TNIK: variants seen among roughly 807,000 people sequenced by gnomAD.
The protein encoded by TNIK is TRAF2 and NCK-interacting protein kinase.
TNIK carries 49 observed loss-of-function variants against 191.3 expected under a neutral mutation model. The ratio of observed to expected loss-of-function variants is 0.26; its 90% CI spans 0.20 to 0.32. TNIK has a LOEUF of 0.32. Among genes scored for constraint, TNIK ranks in the 10% least tolerant of loss-of-function variants. The pLI, the probability that TNIK is intolerant of heterozygous loss-of-function variation, is 1.00. For missense variants in TNIK, 1,155 were observed against 1,702.3 expected, an observed-to-expected ratio of 0.68 and a Z score of 5.66; for synonymous variants, 594 against 600.9, an observed-to-expected ratio of 0.99 and a Z score of 0.17.
At chr3:171,118,809 A>C (rs1016658991) in intron 18 of TNIK, among the ~76,000 whole-genome samples, 19 of 152,322 alleles carry the variant, frequency 1.2e-4, no homozygotes, top group African/African-American at 4.1e-4. Flanking sequence ...TAAAGACTTA[A>C]ATGTTAGACC....
At chr3:171,114,316 C>A (rs1726354049) in intron 18 of TNIK, among the ~76,000 whole-genome samples, 1 of 152,128 alleles carries the variant, frequency 6.6e-6, no homozygotes, top group South Asian at 2.1e-4. Context: ...TATGCTTTAA[C>A]TTTGCTCTGC....
chr3:171,183,758 T>TA (rs1379876217), intron 7 of TNIK, among the ~76,000 whole-genome samples: 1 of 151,780 alleles, frequency 6.6e-6, no homozygotes, highest in African/African-American at 2.4e-5. Flanking sequence ...CTGTCTCTAC[T>TA]AAAAACACAA....
At chr3:171,273,533 C>CA (rs1316017287) in intron 2 of TNIK, among the ~76,000 whole-genome samples, 2 of 152,306 alleles carry the variant, frequency 1.3e-5, no homozygotes, top group South Asian at 4.1e-4. Context: ...TATGATCTCT[C>CA]ACTTGGTTTC....
intron 2 of TNIK, among the ~76,000 whole-genome samples, chr3:171,334,744 T>C (rs1447231262): frequency 6.6e-6 from 1 of 152,228 alleles, no homozygotes; most frequent in Non-Finnish European, 1.5e-5. Context: ...ACATTGTTTC[T>C]AGGGACTACA....
chr3:171,191,078 C>T (rs1304999139), intron 5 of TNIK, among the ~76,000 whole-genome samples: 1 of 152,090 alleles, frequency 6.6e-6, no homozygotes, highest in East Asian at 1.9e-4. Flanking sequence ...TTATACGGTT[C>T]CAACATGAAC....
At chr3:171,418,903 G>A (rs1330345426) in intron 1 of TNIK, among the ~76,000 whole-genome samples, 2 of 152,148 alleles carry the variant, frequency 1.3e-5, no homozygotes, top group Non-Finnish European at 2.9e-5. Flanking sequence ...TCAGATCGTG[G>A]TCCAGCTAGA....
chr3:171,346,645 C>T (rs1014844916), intron 2 of TNIK, among the ~76,000 whole-genome samples: 1 of 152,048 alleles, frequency 6.6e-6, no homozygotes, highest in Non-Finnish European at 1.5e-5. Context: ...AAAGCCCAAA[C>T]GGGGCCTGGG....
At chr3:171,126,339 T>C (rs564522907) in intron 16 of TNIK, among the ~76,000 whole-genome samples, 188 bp from the exon 17 acceptor site, 2 of 152,208 alleles carry the variant, frequency 1.3e-5, no homozygotes, top group South Asian at 4.2e-4. Flanking sequence ...GAACGATATG[T>C]AGGGTTGGCA....
chr3:171,121,279 A>G (rs530755291), intron 18 of TNIK, among the ~76,000 whole-genome samples: 1 of 152,332 alleles, frequency 6.6e-6, no homozygotes, highest in East Asian at 1.9e-4. Context: ...TACGGACTTC[A>G]TTAGGACCAA....
At chr3:171,376,029 A>G (rs1382187179) in intron 1 of TNIK, among the ~76,000 whole-genome samples, 2 of 152,210 alleles carry the variant, frequency 1.3e-5, no homozygotes, top group African/African-American at 4.8e-5. Context: ...GACATCTGCC[A>G]AACGACTGTG....
intron 9 of TNIK, among the ~76,000 whole-genome samples, chr3:171,171,523 G>A (rs1210518464): frequency 1.3e-5 from 2 of 152,224 alleles, no homozygotes; most frequent in Non-Finnish European, 2.9e-5. Context: ...TGGACCAGTG[G>A]AGCTTGTACA....
intron 2 of TNIK, among the ~76,000 whole-genome samples, chr3:171,231,306 G>A (rs1743598672): frequency 1.3e-5 from 2 of 148,858 alleles, no homozygotes; most frequent in African/African-American, 5.1e-5. Context: ...TTTTGTTGTT[G>A]TTGTTGTTTT....
At chr3:171,441,600 G>A (rs6444991) in intron 1 of TNIK, among the ~76,000 whole-genome samples, 95,531 of 151,980 alleles carry the variant, frequency 0.63, 31,970 homozygotes, top group African/African-American at 0.87. Flanking sequence ...CACTGTGAAT[G>A]ATGCTCCTCA....
intron 3 of TNIK, among the ~76,000 whole-genome samples, chr3:171,219,147 TAA>T (rs1235697850): frequency 8.0e-6 from 1 of 125,606 alleles, no homozygotes; most frequent in African/African-American, 3.6e-5. Flanking sequence ...ATATATATTA[TAA>T]AATATATAAT....
At chr3:171,075,926 C>CA (rs1346371694) in intron 28 of TNIK, among the ~76,000 whole-genome samples, 1 of 151,998 alleles carries the variant, frequency 6.6e-6, no homozygotes, top group Admixed American at 6.6e-5. Context: ...TTAGTAGAGA[C>CA]AGGGTTTCAC....
chr3:171,085,177 C>T lies in TNIK; in HGVS notation c.2939G>A (p.Arg980Lys), dbSNP rs778060745. 1.9e-6 allele frequency: 3 copies of T among 1,612,068 alleles called. No homozygotes were observed. Among genetic ancestry groups the T allele is most frequent in the Non-Finnish European group, 2.5e-6 (3 of 1,179,138 alleles). Residue 980 changes from arginine (R) to lysine (K), a missense_variant, in exon 25 of 33, where the codon AGA becomes AAA. Arg to Lys is a conservative substitution (Grantham distance 26). Around this residue, in one of 3 missense-constraint regions of TNIK, gnomAD observed 735 missense variants for 848.0 expected, o/e 0.87. Transcript: ENST00000436636. Reference protein sequence around the residue: ...KASFTPFVDPRVYQTSPTDED... With the variant: ...KASFTPFVDPKVYQTSPTDED... ...ATCAGTGGGAGACGTCTGGTATACT[C>T]TGGGGTCCACAAAGGGGGTGAAGGA...
At chr3:171,358,146 C>A (rs1714421461) in intron 2 of TNIK, among the ~76,000 whole-genome samples, 1 of 152,106 alleles carries the variant, frequency 6.6e-6, no homozygotes, top group Non-Finnish European at 1.5e-5. Flanking sequence ...ATAGTTGATA[C>A]ATTTAAGGTA....
chr3:171,090,473 C>T (rs1225865853), intron 23 of TNIK, among the ~76,000 whole-genome samples: 7 of 127,092 alleles, frequency 5.5e-5, no homozygotes, highest in Admixed American at 8.3e-5. Context: ...TTCTTTTACT[C>T]ATTACTTGTA....
intron 2 of TNIK, among the ~76,000 whole-genome samples, chr3:171,273,467 A>G (rs1749370713): frequency 6.6e-6 from 1 of 152,150 alleles, no homozygotes; most frequent in African/African-American, 2.4e-5. Context: ...GTAATGTAGA[A>G]CTGTCCCTCC....
Sources: allele counts gnomAD v4.1 joint callset (sites outside exome capture counted in the v4.1 genomes callset), GRCh38; gene constraint gnomAD v4.1.1; regional missense constraint gnomAD v4.1.1; transcripts MANE v1.5; gene names NCBI Gene and HGNC (gene_info 2026-07-23, HGNC 2026-07-21).